Variants in UBE2E1 observed in about 807,000 individuals in gnomAD.
UBE2E1 encodes the protein ubiquitin-conjugating enzyme E2 E1.
UBE2E1 carries 6 observed loss-of-function variants against 21.4 expected under a neutral mutation model. The observed-to-expected ratio is 0.28, with a 90% confidence interval of 0.15 to 0.55. The LOEUF is 0.55. Among genes scored for constraint, UBE2E1 ranks in the 20% least tolerant of loss-of-function variants. The pLI is 0.93. For missense variants in UBE2E1, 142 were observed against 236.5 expected (o/e 0.60, Z 2.62); for synonymous variants, 87 against 82.7 (o/e 1.05, Z -0.28).
At chr3:23,849,053 T>C (rs541639339) in intron 3 of UBE2E1, among the ~76,000 whole-genome samples, 1 of 152,390 alleles carries the variant, frequency 6.6e-6, no homozygotes, top group East Asian at 1.9e-4. Context: ...CACCTTCAGC[T>C]GTTAAAATAA....
intron 3 of UBE2E1, among the ~76,000 whole-genome samples, chr3:23,882,146 C>G (rs1275085546): frequency 6.6e-6 from 1 of 152,226 alleles, no homozygotes; most frequent in African/African-American, 2.4e-5. Context: ...GTTGCCACTG[C>G]TGGCTCTGGC....
intron 3 of UBE2E1, among the ~76,000 whole-genome samples, chr3:23,884,914 T>C (rs1986696): frequency 0.014 from 2,195 of 152,328 alleles, 62 homozygotes; most frequent in African/African-American, 0.051. Context: ...ACCCCTGTAT[T>C]AGTGTTATTT....
intron 3 of UBE2E1, among the ~76,000 whole-genome samples, chr3:23,830,346 A>G (rs936304324): frequency 1.5e-4 from 23 of 152,214 alleles, no homozygotes; most frequent in African/African-American, 5.3e-4. Context: ...CCCTACCCCC[A>G]TCACACACAA....
At chr3:23,857,109 G>C (rs566707707) in intron 3 of UBE2E1, among the ~76,000 whole-genome samples, 1 of 152,128 alleles carries the variant, frequency 6.6e-6, no homozygotes, top group South Asian at 2.1e-4. Flanking sequence ...TTGAGGTAAA[G>C]TAGGACTGAA....
chr3:23,887,815 G>A lies in UBE2E1; in HGVS notation c.336+116G>A, dbSNP rs1489241364. 17 of 1,354,268 alleles carry A rather than the reference G, an allele frequency of 1.3e-5. No homozygotes were observed. The highest frequency in any genetic ancestry group is 1.4e-5 in the Non-Finnish European group (14 of 1,010,116). The allele number at this position is 1,354,268 out of a possible 1,614,324, so 83.9% of individuals were successfully genotyped here. On this transcript the variant is annotated intron_variant, in intron 4 of 5. Transcript: ENST00000306627. The surrounding 1 kb of genome is among the most constrained non-coding windows in gnomAD (Gnocchi z 4.4). Reference sequence around the variant, plus strand: ...ACTAGATTTATCTTATGTCCTAATAGATCTGAGTATTTTAACATATACAAA... The same window carrying A: ...ACTAGATTTATCTTATGTCCTAATAAATCTGAGTATTTTAACATATACAAA...
chr3:23,868,523 G>A (rs1700705533), intron 3 of UBE2E1, among the ~76,000 whole-genome samples: 1 of 151,962 alleles, frequency 6.6e-6, no homozygotes, highest in Non-Finnish European at 1.5e-5. Flanking sequence ...TGGCCAGGCT[G>A]GTCTCGATCT....
At chr3:23,869,015 ATAAG>A (rs1459485042) in intron 3 of UBE2E1, among the ~76,000 whole-genome samples, 2 of 152,186 alleles carry the variant, frequency 1.3e-5, no homozygotes, top group Non-Finnish European at 2.9e-5. Context: ...TTCATCATAT[ATAAG>A]TAAGAGTCTC....
chr3:23,829,459 C>T (rs1201198902), intron 3 of UBE2E1, among the ~76,000 whole-genome samples: 1 of 151,998 alleles, frequency 6.6e-6, no homozygotes, highest in East Asian at 1.9e-4. Context: ...CACACCCAGA[C>T]CCAGCTGTTT....
At chr3:23,858,612 G>T (rs966006532) in intron 3 of UBE2E1, among the ~76,000 whole-genome samples, 61 of 152,096 alleles carry the variant, frequency 4.0e-4, no homozygotes, top group Non-Finnish European at 1.3e-4. Context: ...GACCCACTGC[G>T]CCCGGCCAGG....
At chr3:23,854,581 A>G (rs181017320) in intron 3 of UBE2E1, among the ~76,000 whole-genome samples, 2 of 152,280 alleles carry the variant, frequency 1.3e-5, no homozygotes, top group East Asian at 1.9e-4. Flanking sequence ...TGAGTCAGGT[A>G]TCTATACTTG....
intron 3 of UBE2E1, among the ~76,000 whole-genome samples, chr3:23,817,466 A>C (rs372921881): frequency 6.6e-6 from 1 of 151,956 alleles, no homozygotes; most frequent in African/African-American, 2.4e-5. Context: ...ACTGCCTTCA[A>C]GGAGTTCATA....
In UBE2E1 at chr3:23,836,903, T is replaced by A. The variant is rs1699985880; in HGVS notation, c.203+25393T>A. Among the ~76,000 whole-genome samples the A allele has an allele frequency of 6.6e-6, 1 of 152,160 alleles. No homozygotes were observed. Among genetic ancestry groups the A allele is most frequent in the Middle Eastern group, 3.2e-3 (1 of 316 alleles). On this transcript the variant is annotated intron_variant, in intron 3 of 5. Coordinates refer to ENST00000306627, the MANE Select transcript of UBE2E1 (RefSeq NM_003341.5). The surrounding 1 kb of genome is among the most constrained non-coding windows in gnomAD (Gnocchi z 4.1). ...TCACTCATGATGAAGAAGATAAAGC[T>A]CTTGTTAAGTAGTTTATGGTCTATC... is the stretch of plus-strand genomic sequence containing the variant.
At chr3:23,847,581 G>A (rs954014725) in intron 3 of UBE2E1, among the ~76,000 whole-genome samples, 1 of 138,860 alleles carries the variant, frequency 7.2e-6, no homozygotes, top group Non-Finnish European at 1.5e-5. Context: ...TGCAAGCTCC[G>A]TCTCCCAGGT....
At chr3:23,811,562 C>G in intron 3 of UBE2E1, 52 bp downstream of exon 3, 1 of 1,554,078 alleles carries the variant, frequency 6.4e-7, no homozygotes, top group East Asian at 2.2e-5. Flanking sequence ...TAACCTTTGT[C>G]TTGGGTTTTT....
intron 3 of UBE2E1, among the ~76,000 whole-genome samples, chr3:23,820,213 G>T (rs1699617850): frequency 6.6e-6 from 1 of 152,176 alleles, no homozygotes; most frequent in Non-Finnish European, 1.5e-5. Flanking sequence ...ATGCAGCCAT[G>T]CTCTAAAGTG....
rs1024152562 is a variant in UBE2E1, at chr3:23,887,813, T to C, written c.336+114T>C. ...AAACTAGATTTATCTTATGTCCTAA[T>C]AGATCTGAGTATTTTAACATATACA... On this transcript the variant is annotated intron_variant, in intron 4 of 5. Coordinates refer to ENST00000306627, the MANE Select transcript of UBE2E1 (RefSeq NM_003341.5). This position sits in a 1 kb window ranked among gnomAD's most constrained non-coding sequence, Gnocchi z 4.4. 4.4e-5 allele frequency: 60 copies of C among 1,350,848 alleles called. No individual in the cohort carries two copies. The highest frequency in any genetic ancestry group is 2.1e-4 in the Admixed American group (8 of 37,762). 83.7% of individuals were successfully genotyped at this position (1,350,848 alleles called of 1,614,324 possible).
At chr3:23,809,996 T>C (rs1699350179) in intron 2 of UBE2E1, among the ~76,000 whole-genome samples, 1 of 152,162 alleles carries the variant, frequency 6.6e-6, no homozygotes, top group Non-Finnish European at 1.5e-5. Flanking sequence ...ACAGGAAATG[T>C]CCTCCAGTAG....
At chr3:23,846,953 G>A (rs1291125801) in intron 3 of UBE2E1, among the ~76,000 whole-genome samples, 1 of 152,080 alleles carries the variant, frequency 6.6e-6, no homozygotes, top group Non-Finnish European at 1.5e-5. Flanking sequence ...GGCCAGGTAG[G>A]CTGTGCGAGG....
chr3:23,807,447 A>C, intron 2 of UBE2E1, 26 bp downstream of exon 2: 1 of 1,595,654 alleles, frequency 6.3e-7, no homozygotes, highest in Admixed American at 1.9e-5. Flanking sequence ...TTTTTTCCAC[A>C]GGCTTCCTAT....
Sources: gnomAD v4.1 joint callset for allele counts (sites outside exome capture counted in the v4.1 genomes callset) on GRCh38, gnomAD v4.1.1 for gene constraint, Gnocchi (gnomAD v3.1) non-coding constraint, MANE v1.5 for transcripts, NCBI Gene and HGNC (gene_info 2026-07-23, HGNC 2026-07-21) for gene names.